The following PRKAG3 variants were observed in gnomAD, a reference collection of about 807,000 sequenced individuals.
PRKAG3 encodes the protein 5'-AMP-activated protein kinase subunit gamma-3.
In PRKAG3, 39 loss-of-function variants were observed where a neutral mutation model predicts 56.5. That is an observed-to-expected ratio of 0.69 (90% CI 0.53 to 0.90). The LOEUF is 0.90. Ranked by LOEUF, PRKAG3 falls within the 40% of genes least tolerant of loss-of-function variation. The pLI is 0.00. For synonymous variants in PRKAG3, 243 were observed against 250.1 expected, an observed-to-expected ratio of 0.97 and a Z score of 0.27; for missense variants, 628 against 627.5, an observed-to-expected ratio of 1.00 and a Z score of -0.01.
intron 4 of PRKAG3, among the ~76,000 whole-genome samples, chr2:218,829,459 T>C (rs565966024): frequency 6.6e-6 from 1 of 152,126 alleles, no homozygotes; most frequent in Non-Finnish European, 1.5e-5. Context: ...TAGCTGGGAT[T>C]ACAGGCGCCC....
intron 1 of PRKAG3, 109 bp from the exon 2 acceptor site, chr2:218,831,484 G>T: frequency 9.2e-7 from 1 of 1,092,404 alleles, no homozygotes; most frequent in Non-Finnish European, 1.3e-6. Context: ...CACACGCTCA[G>T]ACACACGCCA....
chr2:218,824,656 G>A, intron 10 of PRKAG3, 80 bp from the exon 11 acceptor site: 1 of 1,301,866 alleles, frequency 7.7e-7, no homozygotes, highest in Non-Finnish European at 1.1e-6. Context: ...TGTGTAGAGG[G>A]CCTAGGGCTA....
At chr2:218,825,085 A>G (rs958663800) in intron 10 of PRKAG3, among the ~76,000 whole-genome samples, 5 of 152,188 alleles carry the variant, frequency 3.3e-5, no homozygotes, top group African/African-American at 9.7e-5. Context: ...TATGAAAAAT[A>G]CATTCCCTTG....
In PRKAG3 at chr2:218,827,962, C is replaced by A; in HGVS notation, c.774+42G>T. ...CTCCAGGAGGACTCCCCTCCGCCCC[C>A]GCCCCTCTGGGTGCCCATAAGATTC... On this transcript the variant is annotated intron_variant, in intron 6 of 12. Coordinates refer to ENST00000529249, the Ensembl canonical transcript of PRKAG3. This position sits in a 1 kb window ranked among gnomAD's most constrained non-coding sequence, Gnocchi z 5.3. The A allele has an allele frequency of 1.3e-6, 2 of 1,595,774 alleles. No individual in the cohort carries two copies. Among genetic ancestry groups the A allele is most frequent in the Non-Finnish European group, 1.7e-6 (2 of 1,169,988 alleles).
chr2:218,828,065 G>T lies in PRKAG3; in HGVS notation c.716-3C>A, dbSNP rs1423643147. On this transcript the variant is annotated splice_polypyrimidine_tract_variant and splice_region_variant and intron_variant, in intron 5 of 12. Transcript: ENST00000529249. ...GAAGTCAGTGATGGTCAGCATCCCT[G>T]CAGGGAGGGGCGGGGAGGAGGTCAG... 2 of 1,405,632 alleles carry T rather than the reference G, an allele frequency of 1.4e-6. No individual in the cohort carries two copies. The highest frequency in any genetic ancestry group is 1.8e-6 in the Non-Finnish European group (2 of 1,082,050). 87.1% of individuals were successfully genotyped at this position (1,405,632 alleles called of 1,614,324 possible).
At chr2:218,824,025 C>T in intron 12 of PRKAG3, 147 bp from the exon 13 acceptor site, 1 of 1,195,954 alleles carries the variant, frequency 8.4e-7, no homozygotes, top group Non-Finnish European at 1.2e-6. Context: ...TGTGACCGGC[C>T]TAAGGTGATC....
Position 218,823,770 on chromosome 2 carries a change from C to T in PRKAG3, c.1462G>A (p.Gly488Arg), listed in dbSNP as rs746036178. 9.9e-6 allele frequency: 16 copies of T among 1,613,864 alleles called. 1 individual carries two copies. The highest frequency in any genetic ancestry group is 6.6e-5 in the South Asian group (6 of 91,078). Residue 488 changes from glycine (G) to arginine (R), a missense_variant, in exon 13 of 13, where the codon GGG becomes AGG. Transcript: ENST00000529249. ...TGAGGACTCAGATCTTCTCAGGCCC[C>T]GAGGGCATCGATGCCAGCAGGGCTG... is the stretch of plus-strand genomic sequence containing the variant.
In PRKAG3 at chr2:218,830,333, A is replaced by T. The variant is rs778304244; in HGVS notation, c.278T>A (p.Phe93Tyr). Residue 93 changes from phenylalanine (F) to tyrosine (Y), a missense_variant, in exon 4 of 13, where the codon TTC becomes TAC. By Grantham distance (22) the Phe-to-Tyr change is conservative. Transcript: ENST00000529249. ...TTGAGCCAAGGGTGTGGTCTTGGGG[A>T]ATGTGGCCTCCAGCCCGGTGGACTC... 3.3e-5 allele frequency: 53 copies of T among 1,609,578 alleles called. 1 individual carries two copies. The highest frequency in any genetic ancestry group is 3.3e-4 in the Middle Eastern group (2 of 6,074).
rs777940939 is a variant in PRKAG3, at chr2:218,828,627, G to T, written c.634-27C>A. 5.0e-6 allele frequency: 8 copies of T among 1,599,150 alleles called. No individual in the cohort carries two copies. The Admixed American group carries it at 5.1e-5, about 10-fold the overall frequency. On this transcript the variant is annotated intron_variant, in intron 4 of 12. Coordinates refer to ENST00000529249, the Ensembl canonical transcript of PRKAG3. ...TGAGGGGCCAGGGAGAACAGTCAAG[G>T]GTGGGTCCCGAGAGACCCTCACCCC...
intron 4 of PRKAG3, 26 bp downstream of exon 4, chr2:218,829,952 C>T (rs1420652591): frequency 6.2e-7 from 1 of 1,607,262 alleles, no homozygotes; most frequent in Admixed American, 1.7e-5. Flanking sequence ...AGAGTGAGTA[C>T]AGGTTGGGCA....
In PRKAG3 at chr2:218,827,450, G is replaced by A. The variant is rs1943950319; in HGVS notation, c.876-77C>T. On this transcript the variant is annotated intron_variant, in intron 8 of 12. Transcript: ENST00000529249. This position sits in a 1 kb window ranked among gnomAD's most constrained non-coding sequence, Gnocchi z 5.3. ...CCATCCCAGGCCCCTAAAAAGGAGG[G>A]CAGGGCACCAAGGCTCCCTTGTCTG... The A allele has an allele frequency of 1.2e-6, 2 of 1,607,110 alleles. No individual in the cohort carries two copies. The highest frequency in any genetic ancestry group is 8.5e-7 in the Non-Finnish European group (1 of 1,174,044).
chr2:218,823,545 G>C, exon 13 of PRKAG3: 1 of 912,860 alleles, frequency 1.1e-6, no homozygotes, highest in Non-Finnish European at 1.6e-6. Flanking sequence ...GGGCTGCTCA[G>C]CTTTGAGCTT....
At chr2:218,826,053 C>T (rs1943928488) in intron 10 of PRKAG3, among the ~76,000 whole-genome samples, 1 of 152,150 alleles carries the variant, frequency 6.6e-6, no homozygotes, top group Non-Finnish European at 1.5e-5. Flanking sequence ...GCCACCGCCC[C>T]TGGCCAAAAA....
chr2:218,825,455 C>T (rs112195252), intron 10 of PRKAG3, among the ~76,000 whole-genome samples: 5,000 of 152,042 alleles, frequency 0.033, 172 homozygotes, highest in East Asian at 0.094. Context: ...CTGGCCTGGC[C>T]TATATGGTGA....
intron 12 of PRKAG3, 44 bp downstream of exon 12, chr2:218,824,178 C>T: frequency 6.2e-7 from 1 of 1,613,880 alleles, no homozygotes; most frequent in South Asian, 1.1e-5. Flanking sequence ...ATGAGAAGGA[C>T]TGGGCTATAT....
intron 1 of PRKAG3, 52 bp downstream of exon 1, chr2:218,831,686 C>A: frequency 6.3e-7 from 1 of 1,594,188 alleles, no homozygotes; most frequent in Non-Finnish European, 8.5e-7. Context: ...CCCGTGCGCT[C>A]AATCTTCTGG....
At chr2:218,826,647 C>T (rs1193934717) in intron 10 of PRKAG3, 4 of 433,772 alleles carry the variant, frequency 9.2e-6, no homozygotes, top group Non-Finnish European at 1.7e-5. Context: ...CTGCTGCTTC[C>T]TCTCGCTATG....
In PRKAG3 at chr2:218,827,334, G is replaced by C; in HGVS notation, c.915C>G (p.Ile305Met). 6.2e-7 allele frequency: 1 copy of C among 1,614,202 alleles called. No homozygotes were observed. The highest frequency in any genetic ancestry group is 1.1e-5 in the South Asian group (1 of 91,078). The change falls in exon 9 of 13, where the codon ATC becomes ATG. Residue 305 changes from isoleucine to methionine, a missense_variant. By Grantham distance (10) the Ile-to-Met change is conservative. Transcript: ENST00000529249. This position sits in a 1 kb window ranked among gnomAD's most constrained non-coding sequence, Gnocchi z 5.3. ...CCGGGTCAAGAACAGGCAGGCGATG[G>C]ATCCGGTTCTTGATGAGGGTGTAGA...
rs1249315513 is a variant in PRKAG3 at position 218,830,919 on chromosome 2, C to T, written c.74-18G>A. On this transcript the variant is annotated intron_variant, in intron 2 of 12. Coordinates refer to ENST00000529249, the Ensembl canonical transcript of PRKAG3. ...GCTCATCTCTGGAAGGGGAATGGGGCCTGTTTGGTTAATAGGGAGTAATGC... is the reference window on the plus strand; with the variant it reads ...GCTCATCTCTGGAAGGGGAATGGGGTCTGTTTGGTTAATAGGGAGTAATGC... 1.9e-6 allele frequency: 3 copies of T among 1,612,726 alleles called. No homozygotes were observed. The highest frequency in any genetic ancestry group is 1.7e-5 in the Admixed American group (1 of 60,022).
Sources: gnomAD v4.1 joint callset for allele counts (sites outside exome capture counted in the v4.1 genomes callset) on GRCh38, gnomAD v4.1.1 for gene constraint, Gnocchi (gnomAD v3.1) non-coding constraint, MANE v1.5 for transcripts, NCBI Gene and HGNC (gene_info 2026-07-23, HGNC 2026-07-21) for gene names.